ETV6: variants seen among roughly 807,000 people sequenced by gnomAD.
ETV6 encodes ETS variant transcription factor 6.
ETV6 carries 16 observed loss-of-function variants against 51.1 expected under a neutral mutation model. The observed-to-expected ratio is 0.31, with a 90% CI of 0.21 to 0.48. ETV6 has a LOEUF of 0.48. Among genes scored for constraint, ETV6 ranks in the 20% least tolerant of loss-of-function variants. The pLI, the probability that ETV6 is intolerant of heterozygous loss-of-function variation, is 0.99. For synonymous variants in ETV6, 240 were observed against 224.1 expected, an observed-to-expected ratio of 1.07 and a Z score of -0.64; for missense variants, 458 against 594.8, an observed-to-expected ratio of 0.77 and a Z score of 2.39.
At position 11,650,104 on chromosome 12, in the gene ETV6, T is replaced by G. The variant is rs766052357; in HGVS notation, c.-24T>G. 6.2e-6 allele frequency: 10 copies of G among 1,612,676 alleles called. No homozygotes were observed. The highest frequency in any genetic ancestry group is 5.0e-5 in the Admixed American group (3 of 60,020). On this transcript the variant is annotated 5_prime_UTR_variant, in exon 1 of 8. Transcript: ENST00000396373. ...GGAAAGTGGAAAAAACCTGAGAACTTCCTGATCTCTCTCGCTGTGAGACAT... is the reference window on the plus strand; with the variant it reads ...GGAAAGTGGAAAAAACCTGAGAACTGCCTGATCTCTCTCGCTGTGAGACAT...
chr12:11,673,068 A>G (rs953781203), intron 1 of ETV6, among the ~76,000 whole-genome samples: 21 of 152,218 alleles, frequency 1.4e-4, no homozygotes, highest in African/African-American at 5.1e-4. Flanking sequence ...ATTCAGTGAC[A>G]GAAGGGAAAG....
chr12:11,895,300 C>CA lies in ETV6; in HGVS notation c.*4263dup, dbSNP rs573806306. Reference sequence around the variant, plus strand: ...AATGTAACAAAAAAGAAAAAAAAAACAAAAAAAAATGCCTTTTCTCAGGGC... The same window carrying CA: ...AATGTAACAAAAAAGAAAAAAAAAACAAAAAAAAAATGCCTTTTCTCAGGGC... On this transcript the variant is annotated 3_prime_UTR_variant, in exon 8 of 8. Transcript: ENST00000396373. 1,724 of 181,132 alleles carry CA rather than the reference C, an allele frequency of 9.5e-3. 8 individuals are homozygous for CA. Among genetic ancestry groups the CA allele is most frequent in the Middle Eastern group, 0.024 (14 of 590 alleles). The allele number at this position is 181,132 out of a possible 1,614,324, so 11.2% of individuals were successfully genotyped here. A position where few individuals can be genotyped will look rare whatever the true frequency, so the allele number is the denominator to read the frequency against.
chr12:11,831,635 T>C (rs889704831), intron 2 of ETV6, among the ~76,000 whole-genome samples: 1 of 152,252 alleles, frequency 6.6e-6, no homozygotes, highest in African/African-American at 2.4e-5. Context: ...TTACTGAGTG[T>C]CAATTCTTTG....
Position 11,824,720 on chromosome 12 carries a change from C to T in ETV6, c.164-14420C>T, listed in dbSNP as rs543131695. Among the ~76,000 whole-genome samples the T allele has an allele frequency of 1.1e-4, 17 of 152,230 alleles. 1 individual carries two copies. Among genetic ancestry groups the T allele is most frequent in the Middle Eastern group, 6.8e-3 (2 of 294 alleles). On this transcript the variant is annotated intron_variant, in intron 2 of 7. Coordinates refer to ENST00000396373, the MANE Select transcript of ETV6 (RefSeq NM_001987.5). ...CCTGGAGGCGGAAGTTGCTGTGAGC[C>T]TAGATCGCGCTAATGCACTCCAGCC...
chr12:11,845,238 A>G (rs984592962), intron 3 of ETV6, among the ~76,000 whole-genome samples: 1 of 152,192 alleles, frequency 6.6e-6, no homozygotes, highest in African/African-American at 2.4e-5. Flanking sequence ...TTAAGGTTCT[A>G]CTTTAAACTT....
At chr12:11,755,529 C>A (rs1044156532) in intron 2 of ETV6, among the ~76,000 whole-genome samples, 1 of 152,136 alleles carries the variant, frequency 6.6e-6, no homozygotes, top group African/African-American at 2.4e-5. Context: ...GAGCTTCTGT[C>A]CTCCCGCTCC....
At chr12:11,832,390 G>T (rs944715697) in intron 2 of ETV6, among the ~76,000 whole-genome samples, 1 of 152,222 alleles carries the variant, frequency 6.6e-6, no homozygotes, top group African/African-American at 2.4e-5. Flanking sequence ...TCTTGGCCCG[G>T]ACAAATGACA....
At chr12:11,706,616 G>A (rs1261890501) in intron 1 of ETV6, among the ~76,000 whole-genome samples, 1 of 152,184 alleles carries the variant, frequency 6.6e-6, no homozygotes, top group Non-Finnish European at 1.5e-5. Context: ...CTAGGAGATA[G>A]TAGGGCCACC....
At position 11,742,374 on chromosome 12, in the gene ETV6, C is replaced by G. The variant is rs11054439; in HGVS notation, c.34-10076C>G. 2.7e-4 allele frequency among the ~76,000 whole-genome samples: 41 copies of G among 152,114 alleles called. No homozygotes were observed. In the South Asian group the frequency reaches 6.8e-3, roughly 25 times the overall value. On this transcript the variant is annotated intron_variant, in intron 1 of 7. Coordinates refer to ENST00000396373, the MANE Select transcript of ETV6 (RefSeq NM_001987.5). ...ATGACCACAATGAAGGGAATGATGC[C>G]TTTTCTGAGTCCCTATTCCTAAGAA...
In ETV6 at chr12:11,765,719, GA is replaced by G. The variant is rs550169714; in HGVS notation, c.163+13150del. Among the ~76,000 whole-genome samples, 37 of 147,776 alleles carry G rather than the reference GA, an allele frequency of 2.5e-4. 1 individual carries two copies. Among genetic ancestry groups the G allele is most frequent in the East Asian group, 5.9e-4 (3 of 5,050 alleles). On this transcript the variant is annotated intron_variant, in intron 2 of 7. Transcript: ENST00000396373. ...TCCTCAGTGGGAAAGCGTGCATGGG[GA>G]AAAAAAAAACCACCACCACCCTGGA...
chr12:11,759,421 C>G (rs537489835), intron 2 of ETV6, among the ~76,000 whole-genome samples: 4 of 152,190 alleles, frequency 2.6e-5, no homozygotes, highest in African/African-American at 9.6e-5. Context: ...GTTGTCCCTA[C>G]CTGGTGCTCT....
chr12:11,756,798 A>G (rs1201658958), intron 2 of ETV6, among the ~76,000 whole-genome samples: 1 of 152,236 alleles, frequency 6.6e-6, no homozygotes, highest in Non-Finnish European at 1.5e-5. Context: ...GGCTTACCTT[A>G]TGAAACACTG....
intron 1 of ETV6, among the ~76,000 whole-genome samples, chr12:11,690,762 C>T (rs986017789): frequency 7.9e-5 from 12 of 151,808 alleles, no homozygotes; most frequent in South Asian, 2.1e-4. Context: ...TGGCGGGCGC[C>T]GGTAGTCCCA....
chr12:11,742,279 AGT>A (rs1215867989), intron 1 of ETV6, among the ~76,000 whole-genome samples: 3 of 152,224 alleles, frequency 2.0e-5, no homozygotes, highest in Non-Finnish European at 4.4e-5. Flanking sequence ...GCAGGGTAGT[AGT>A]CACCTTGTCA....
chr12:11,888,445 C>T (rs1947236911), intron 7 of ETV6, among the ~76,000 whole-genome samples: 1 of 146,144 alleles, frequency 6.8e-6, no homozygotes. Context: ...ACCCAGGCTA[C>T]AGTGCAGTGG....
chr12:11,656,754 G>C (rs1236701086), intron 1 of ETV6, among the ~76,000 whole-genome samples: 1 of 151,954 alleles, frequency 6.6e-6, no homozygotes, highest in Non-Finnish European at 1.5e-5. Flanking sequence ...GTGTCATCCT[G>C]CCCGGCCTCG....
chr12:11,659,305 G>A (rs759485), intron 1 of ETV6, among the ~76,000 whole-genome samples: 143,749 of 152,286 alleles, frequency 0.94, 68,133 homozygotes, highest in Non-Finnish European at 0.99. Flanking sequence ...GTACATGGCA[G>A]ATGAGAAGAT....
chr12:11,871,431 C>T (rs548979548), intron 5 of ETV6, among the ~76,000 whole-genome samples: 2 of 152,184 alleles, frequency 1.3e-5, no homozygotes, highest in South Asian at 4.2e-4. Context: ...ACCTCGCGAT[C>T]CGCCTGCGTC....
chr12:11,827,973 C>A (rs1241937621), intron 2 of ETV6, among the ~76,000 whole-genome samples: 1 of 152,216 alleles, frequency 6.6e-6, no homozygotes, highest in Non-Finnish European at 1.5e-5. Context: ...CTGAGGATTA[C>A]AAACATTCTT....
Sources: allele counts gnomAD v4.1 joint callset (sites outside exome capture counted in the v4.1 genomes callset), GRCh38; gene constraint gnomAD v4.1.1; transcripts MANE v1.5; gene names NCBI Gene and HGNC (gene_info 2026-07-23, HGNC 2026-07-21).